Variants in ANK2 observed in about 807,000 individuals in gnomAD.
The protein encoded by ANK2 is ankyrin 2, also known as ankyrin-2.
ANK2 carries 83 observed loss-of-function variants against 360.5 expected under a neutral mutation model. The observed-to-expected ratio is 0.23, with a 90% CI of 0.19 to 0.28. The LOEUF (loss-of-function observed/expected upper bound fraction) is 0.28. ANK2 is among the 10% of genes least tolerant of loss of function. The pLI, the probability that ANK2 is intolerant of heterozygous loss-of-function variation, is 1.00. For missense variants in ANK2, 4,201 were observed against 4,795.7 expected, an observed-to-expected ratio of 0.88 and a Z score of 3.66; for synonymous variants, 1,740 against 1,759.5, an observed-to-expected ratio of 0.99 and a Z score of 0.28.
the ANK2 span, among the ~76,000 whole-genome samples, chr4:112,790,508 G>A: frequency 1.6e-5 from 2 of 127,780 alleles, no homozygotes; most frequent in African/African-American, 6.3e-5. Flanking sequence ...TTTTTTTTGA[G>A]ATGGAGTTTT....
At chr4:113,169,455 A>G (rs2097863430) in intron 1 of ANK2, among the ~76,000 whole-genome samples, 1 of 152,230 alleles carries the variant, frequency 6.6e-6, no homozygotes, top group South Asian at 2.1e-4. Flanking sequence ...GTAGCCAGGT[A>G]AATGACCCTG....
Position 112,899,180 on chromosome 4 carries a change from AT to A in ANK2, c.-39-5271del, listed in dbSNP as rs532275388. 3.4e-4 allele frequency among the ~76,000 whole-genome samples: 52 copies of A among 152,316 alleles called. No homozygotes were observed. The Middle Eastern group carries it at 0.014, about 40-fold the overall frequency. On this transcript the variant is annotated intron_variant, in intron 1 of 30. Transcript: ENST00000503271. ...CAAAGACTTGAATATCTTTATGCATATTTTAATAATAATGAAAGTTAGGAAA... is the reference window on the plus strand; with the variant it reads ...CAAAGACTTGAATATCTTTATGCATATTTAATAATAATGAAAGTTAGGAAA...
At chr4:112,932,387 G>A (rs1033596898) in intron 2 of ANK2, among the ~76,000 whole-genome samples, 1 of 151,798 alleles carries the variant, frequency 6.6e-6, no homozygotes, top group Non-Finnish European at 1.5e-5. Flanking sequence ...AGCTACTCAG[G>A]AGGCTGAGGC....
intron 28 of ANK2, 57 bp from the exon 29 acceptor site, chr4:113,332,996 CT>C (rs1433845587): frequency 6.2e-7 from 1 of 1,611,148 alleles, no homozygotes; most frequent in Non-Finnish European, 8.5e-7. Flanking sequence ...AGTCGAGGTG[CT>C]TGTCTTGCTG....
intron 4 of ANK2, among the ~76,000 whole-genome samples, chr4:113,221,193 TAAC>T (rs1030404904): frequency 1.1e-4 from 16 of 152,128 alleles, no homozygotes; most frequent in Non-Finnish European, 1.8e-4. Flanking sequence ...GGAAGATTAG[TAAC>T]AACAACGTGA....
At chr4:112,949,571 T>TG (rs1412858374) in intron 2 of ANK2, among the ~76,000 whole-genome samples, 2 of 152,194 alleles carry the variant, frequency 1.3e-5, no homozygotes, top group African/African-American at 4.8e-5. Flanking sequence ...TCAAACATGT[T>TG]GGGGAAATAT....
At chr4:112,721,541 CAAAAAAAAAAAAA>C in the ANK2 span, among the ~76,000 whole-genome samples, 1 of 46,876 alleles carries the variant, frequency 2.1e-5, no homozygotes, top group Admixed American at 3.5e-4. Flanking sequence ...GACCCCATCT[CAAAAAAAAAAAAA>C]AAAAAAAAAA....
chr4:113,341,405 C>G (rs940133271), intron 32 of ANK2, among the ~76,000 whole-genome samples: 2 of 152,052 alleles, frequency 1.3e-5, no homozygotes, highest in Admixed American at 6.5e-5. Flanking sequence ...GAAGAGTTTC[C>G]AAAAAAGAAA....
chr4:112,991,898 A>G (rs1472637852), intron 2 of ANK2, among the ~76,000 whole-genome samples: 1 of 151,116 alleles, frequency 6.6e-6, no homozygotes, highest in Non-Finnish European at 1.5e-5. Flanking sequence ...TCCAGTTTCC[A>G]TTAATATGTT....
chr4:113,054,529 G>A (rs560110206), intron 1 of ANK2, among the ~76,000 whole-genome samples: 36 of 152,296 alleles, frequency 2.4e-4, no homozygotes, highest in African/African-American at 8.4e-4. Context: ...ACATTTGGGT[G>A]TCCAAATAGT....
chr4:113,004,289 C>T lies in ANK2; in HGVS notation c.21+99775C>T, dbSNP rs138181064. ...TTATAATAACATTTAGCTTAAAATA[C>T]AGATTCATTGTACAATTATACAATT... On this transcript the variant is annotated intron_variant, in intron 2 of 30. Coordinates refer to the ANK2 transcript ENST00000503271. 2.7e-3 allele frequency among the ~76,000 whole-genome samples: 405 copies of T among 152,132 alleles called. 1 individual carries two copies. The highest frequency in any genetic ancestry group is 9.4e-3 in the African/African-American group (392 of 41,500).
chr4:113,129,828 G>A (rs1377639156), intron 1 of ANK2, among the ~76,000 whole-genome samples: 3 of 152,170 alleles, frequency 2.0e-5, no homozygotes, highest in South Asian at 2.1e-4. Flanking sequence ...AAACTTAAAA[G>A]ACCCTTTTTT....
intron 1 of ANK2, among the ~76,000 whole-genome samples, chr4:113,079,399 C>T (rs561133462): frequency 4.6e-5 from 7 of 152,232 alleles, no homozygotes; most frequent in South Asian, 4.1e-4. Context: ...AGGTTGTCCC[C>T]GTAGGTACTC....
At chr4:113,295,104 G>C (rs2070402328) in intron 22 of ANK2, among the ~76,000 whole-genome samples, 1 of 152,122 alleles carries the variant, frequency 6.6e-6, no homozygotes, top group Admixed American at 6.5e-5. Flanking sequence ...TGGCAAGCTT[G>C]TATCTCTTGC....
At chr4:112,853,519 A>G (rs1388978772) in intron 1 of ANK2, among the ~76,000 whole-genome samples, 1 of 152,176 alleles carries the variant, frequency 6.6e-6, no homozygotes, top group African/African-American at 2.4e-5. Context: ...CTCTTGATTT[A>G]TAATGACTCC....
At chr4:112,738,673 C>T in the ANK2 span, 37 of 580,708 alleles carry the variant, frequency 6.4e-5, no homozygotes, top group East Asian at 4.9e-4. Flanking sequence ...CTCAGCATCA[C>T]GGCTGCCCTC....
At chr4:113,313,793 G>T (rs1314508362) in intron 24 of ANK2, 2 of 145,456 alleles carry the variant, frequency 1.4e-5, no homozygotes, top group South Asian at 2.2e-4. Context: ...CGGGGCGGGG[G>T]GTGAGGGGGA....
chr4:112,798,442 C>A, the ANK2 span: 1 of 152,300 alleles, frequency 6.6e-6, no homozygotes, highest in Non-Finnish European at 1.5e-5. Flanking sequence ...CATGCACCAC[C>A]ACCCCGGCTA....
At chr4:112,977,123 A>G in intron 2 of ANK2, among the ~76,000 whole-genome samples, 1 of 152,228 alleles carries the variant, frequency 6.6e-6, no homozygotes. Context: ...ACTGATTTTT[A>G]TGAAAAGAGA....
Sources: allele counts gnomAD v4.1 joint callset (sites outside exome capture counted in the v4.1 genomes callset), GRCh38; gene constraint gnomAD v4.1.1; transcripts MANE v1.5; gene names NCBI Gene and HGNC (gene_info 2026-07-23, HGNC 2026-07-21).